The following TMEM182 variants were observed in gnomAD, a reference collection of about 807,000 sequenced individuals.
TMEM182 encodes transmembrane protein 182.
TMEM182 carries 20 observed loss-of-function variants against 26.8 expected under a neutral mutation model. The observed-to-expected ratio is 0.75, with a 90% CI of 0.53 to 1.09. The LOEUF (loss-of-function observed/expected upper bound fraction) is 1.09, where lower values mean the gene tolerates loss of function less well. Ranked by LOEUF, TMEM182 falls within the 50% of genes least tolerant of loss-of-function variation. The pLI is 0.00. For synonymous variants in TMEM182, 109 were observed against 102.2 expected (o/e 1.07, Z -0.40); for missense variants, 277 against 275.5 (o/e 1.01, Z -0.04).
rs184317858 is a variant in TMEM182 at position 102,826,835 on chromosome 2, G to A, written c.326-16577G>A. Among the ~76,000 whole-genome samples, 16 of 152,138 alleles carry A rather than the reference G, an allele frequency of 1.1e-4. No individual in the cohort carries two copies. The East Asian group carries it at 2.9e-3, about 28-fold the overall frequency. On this transcript the variant is annotated intron_variant, in intron 3 of 3. Transcript: ENST00000486293. The stretch of plus-strand genomic sequence containing the variant: ...ATAGTAATATCATGTCCCTTTTGGA[G>A]AAAACAGACCACCAAAGAAGATAAA...
Position 102,832,825 on chromosome 2 carries a change from A to G in TMEM182, c.326-10587A>G, listed in dbSNP as rs574548114. Among the ~76,000 whole-genome samples, 13 of 152,352 alleles carry G rather than the reference A, an allele frequency of 8.5e-5. No homozygotes were observed. The Middle Eastern group carries it at 0.017, about 199-fold the overall frequency. Reference sequence around the variant, plus strand: ...CCAGGAATAAGGTAAACTTTTTATTATAATTTATACAATGTGGTAATTTTT... The same window carrying G: ...CCAGGAATAAGGTAAACTTTTTATTGTAATTTATACAATGTGGTAATTTTT... On this transcript the variant is annotated intron_variant, in intron 3 of 3. Transcript: ENST00000486293.
In TMEM182 at chr2:102,816,510, CAATAAT is replaced by C. The variant is rs58667727; in HGVS notation, c.*1575_*1580del. The C allele has an allele frequency of 4.5e-4, 414 of 925,274 alleles. No individual in the cohort carries two copies. Among genetic ancestry groups the C allele is most frequent in the South Asian group, 2.2e-3 (44 of 19,564 alleles). 57.3% of individuals were successfully genotyped at this position (925,274 alleles called of 1,614,324 possible). On this transcript the variant is annotated 3_prime_UTR_variant, in exon 5 of 5. Transcript: ENST00000412401. The stretch of plus-strand genomic sequence containing the variant: ...AGGGCATTTTCATGACAGGACTTGC[CAATAAT>C]AATAATAATAATAATAATAATAATA...
intron 3 of TMEM182, among the ~76,000 whole-genome samples, chr2:102,794,259 A>G (rs1377571055): frequency 2.6e-5 from 4 of 152,176 alleles, no homozygotes; most frequent in African/African-American, 9.7e-5. Context: ...AGTGGTAAAT[A>G]CTCAGGTCAC....
At position 102,762,273 on chromosome 2, in the gene TMEM182, T is replaced by TA; in HGVS notation, c.57dup (p.Leu20ThrfsTer16). The TA allele has an allele frequency of 6.2e-7, 1 of 1,613,998 alleles. No homozygotes were observed. Among genetic ancestry groups the TA allele is most frequent in the Non-Finnish European group, 8.5e-7 (1 of 1,179,934 alleles). On this transcript the variant is annotated frameshift_variant, in exon 1 of 5. Coordinates refer to ENST00000412401, the MANE Select transcript of TMEM182 (RefSeq NM_144632.5). LOFTEE classifies it high-confidence loss of function. ...GCTCTCTTTGGTGCTTTGGGGGTGTTACTCTTTTTGGTGGCTTTTGGATCG... is the reference window on the plus strand; with the variant it reads ...GCTCTCTTTGGTGCTTTGGGGGTGTTAACTCTTTTTGGTGGCTTTTGGATCG...
At chr2:102,832,002 C>T (rs1017048424) in intron 3 of TMEM182, among the ~76,000 whole-genome samples, 1 of 152,108 alleles carries the variant, frequency 6.6e-6, no homozygotes. Context: ...GTAGAGAAAA[C>T]GCAAGAAGAC....
intron 3 of TMEM182, among the ~76,000 whole-genome samples, chr2:102,782,634 C>T (rs1277583757): frequency 1.3e-5 from 2 of 152,132 alleles, no homozygotes; most frequent in African/African-American, 4.8e-5. Flanking sequence ...AGGTCTCTCA[C>T]CCAAAGATCG....
chr2:102,774,833 G>A (rs10204894), intron 3 of TMEM182, among the ~76,000 whole-genome samples: 1,600 of 152,176 alleles, frequency 0.011, 32 homozygotes, highest in African/African-American at 0.037. Flanking sequence ...TCCTCTGCTA[G>A]TACCACATCA....
In TMEM182 at chr2:102,767,514, A is replaced by G. The variant is rs117492974; in HGVS notation, c.331+3087A>G. ...TGAACATAAATGAATTTTCAAGACA[A>G]TTCAACCCTGAGAGAATTAATTTTT... On this transcript the variant is annotated intron_variant, in intron 3 of 4. Transcript: ENST00000412401. 5.2e-4 allele frequency among the ~76,000 whole-genome samples: 79 copies of G among 152,324 alleles called. No individual in the cohort carries two copies. The East Asian group carries it at 0.015, about 28-fold the overall frequency.
In TMEM182 at chr2:102,817,069, A is replaced by G; in HGVS notation, c.*2101A>G. 1 of 985,486 alleles carries G rather than the reference A, an allele frequency of 1.0e-6. No individual in the cohort carries two copies. The highest frequency in any genetic ancestry group is 1.2e-6 in the Non-Finnish European group (1 of 829,934). The allele number at this position is 985,486 out of a possible 1,614,324, so 61.0% of individuals were successfully genotyped here. ...TGCATCAATCAAATACATTTCAAGC[A>G]CATTTCTTGATCAATTTACCAGCAA... On this transcript the variant is annotated 3_prime_UTR_variant, in exon 5 of 5. Coordinates refer to ENST00000412401, the MANE Select transcript of TMEM182 (RefSeq NM_144632.5).
At chr2:102,750,330 T>C (rs528507611) in intron 1 of TMEM182, among the ~76,000 whole-genome samples, 2 of 152,316 alleles carry the variant, frequency 1.3e-5, no homozygotes, top group South Asian at 4.1e-4. Context: ...ATGTATGAGA[T>C]TTGAAAACTG....
Position 102,814,869 on chromosome 2 carries a change from T to A in TMEM182, c.591T>A (p.Tyr197Ter). The A allele has an allele frequency of 1.2e-6, 2 of 1,614,016 alleles. No homozygotes were observed. Among genetic ancestry groups the A allele is most frequent in the South Asian group, 2.2e-5 (2 of 91,080 alleles). The stretch of plus-strand genomic sequence containing the variant: ...TGGATTTCACCCCTTCTGTTCTGTA[T>A]GGCTGGTCATTTTTCCTGGCCCCAG... Reference protein sequence around the residue: ...DCLDFTPSVLYGWSFFLAPAG... With the variant: ...DCLDFTPSVL Residue 197 changes from tyrosine to a stop codon, truncating the protein, a stop_gained, in exon 5 of 5, where the codon TAT (tyrosine) becomes TAA (stop). Coordinates refer to ENST00000412401, the MANE Select transcript of TMEM182 (RefSeq NM_144632.5). LOFTEE classifies it high-confidence loss of function.
intron 3 of TMEM182, among the ~76,000 whole-genome samples, chr2:102,765,946 A>G (rs146927675): frequency 6.6e-6 from 1 of 152,300 alleles, no homozygotes; most frequent in East Asian, 1.9e-4. Flanking sequence ...AAGGGAAGAG[A>G]TGGATGGCAT....
chr2:102,833,524 T>C (rs1683188012), intron 3 of TMEM182, among the ~76,000 whole-genome samples: 1 of 152,166 alleles, frequency 6.6e-6, no homozygotes, highest in Non-Finnish European at 1.5e-5. Context: ...TCCCCAAGGT[T>C]AACATCCCAG....
intron 3 of TMEM182, among the ~76,000 whole-genome samples, chr2:102,768,870 G>A (rs1471168514): frequency 1.3e-5 from 2 of 151,824 alleles, no homozygotes; most frequent in African/African-American, 4.8e-5. Context: ...AATGATGTGA[G>A]GCTACAAGCA....
chr2:102,814,739 C>T lies in TMEM182; in HGVS notation c.470-9C>T. ...AAAGGCTAACAGTCTTCTGTTTCAT[C>T]CTTCTCAGGCATCCTATTTTCATTG... On this transcript the variant is annotated splice_polypyrimidine_tract_variant and intron_variant, in intron 4 of 4. Coordinates refer to ENST00000412401, the MANE Select transcript of TMEM182 (RefSeq NM_144632.5). 6.2e-7 allele frequency: 1 copy of T among 1,609,636 alleles called. No individual in the cohort carries two copies. Among genetic ancestry groups the T allele is most frequent in the Non-Finnish European group, 8.5e-7 (1 of 1,177,284 alleles).
In TMEM182 at chr2:102,747,129, T is replaced by C. The variant is rs116295455; in HGVS notation, c.-83+10116T>C. The stretch of plus-strand genomic sequence containing the variant: ...GGGAGTGAAACTCGGACTGTTTTTA[T>C]TTTTTCCTTTTTTTGGTATATTCTG... On this transcript the variant is annotated intron_variant, in intron 1 of 5. Transcript: ENST00000409173. Among the ~76,000 whole-genome samples the C allele has an allele frequency of 8.0e-3, 1,222 of 152,330 alleles. 22 individuals are homozygous for C. Among genetic ancestry groups the C allele is most frequent in the African/African-American group, 0.027 (1,117 of 41,566 alleles).
At position 102,797,940 on chromosome 2, in the gene TMEM182, G is replaced by A. The variant is rs750908038; in HGVS notation, c.409G>A (p.Ala137Thr). ...CATCGCAAGCTTTTTGATCATCTGT[G>A]CAGCCCCCTTCGCCAGCCATTTTCT... ...VVIASFLIICAAPFASHFLYK... is the reference protein window; with the variant it reads ...VVIASFLIICTAPFASHFLYK... The change falls in exon 4 of 5, where the codon GCA becomes ACA. Residue 137 changes from alanine (A) to threonine (T), a missense_variant. Transcript: ENST00000412401. The A allele has an allele frequency of 6.2e-7, 1 of 1,614,054 alleles. No homozygotes were observed. Among genetic ancestry groups the A allele is most frequent in the Admixed American group, 1.7e-5 (1 of 59,992 alleles).
At chr2:102,769,869 A>G (rs1680601913) in intron 3 of TMEM182, among the ~76,000 whole-genome samples, 1 of 152,206 alleles carries the variant, frequency 6.6e-6, no homozygotes. Flanking sequence ...AGGAGGGGGC[A>G]TGTTTTGAAG....
intron 1 of TMEM182, among the ~76,000 whole-genome samples, chr2:102,747,094 C>T (rs1263642833): frequency 6.6e-6 from 1 of 152,216 alleles, no homozygotes; most frequent in Non-Finnish European, 1.5e-5. Context: ...GTTCCTCACA[C>T]GGTCACCCTG....
Sources: allele counts gnomAD v4.1 joint callset (sites outside exome capture counted in the v4.1 genomes callset), GRCh38; gene constraint gnomAD v4.1.1; transcripts MANE v1.5; gene names NCBI Gene and HGNC (gene_info 2026-07-23, HGNC 2026-07-21).